Variants in GOLGA2 observed in about 807,000 individuals in gnomAD.
GOLGA2 encodes golgin A2, also known as golgin subfamily A member 2.
A neutral mutation model predicts 148.8 loss-of-function variants in GOLGA2; 49 were observed. The observed-to-expected ratio is 0.33, with a 90% CI of 0.26 to 0.42. The LOEUF (loss-of-function observed/expected upper bound fraction) is 0.42. Among genes scored for constraint, GOLGA2 ranks in the 10% least tolerant of loss-of-function variants. The pLI is 1.00. For synonymous variants in GOLGA2, 501 were observed against 511.8 expected (o/e 0.98, Z 0.28); for missense variants, 1,178 against 1,304.6 (o/e 0.90, Z 1.49).
rs756276650 is a variant in GOLGA2, at chr9:128,265,710, A to T, written c.827-19T>A. ...GACTCTCCTGGAATGAGAGAGGTTG[A>T]GATGGGGCCCAAAGGACTCCCCCTA... On this transcript the variant is annotated intron_variant, in intron 11 of 26. Coordinates refer to ENST00000611957, the MANE Select transcript of GOLGA2 (RefSeq NM_001366244.2). 1 of 1,612,632 alleles carries T rather than the reference A, an allele frequency of 6.2e-7. No homozygotes were observed.
Position 128,258,175 on chromosome 9 carries a change from T to C in GOLGA2, c.2313A>G (p.Val771=). Residue 771 remains valine, a synonymous_variant, in exon 23 of 27, where the codon GTA becomes GTG. Transcript: ENST00000611957. This position sits in a 1 kb window ranked among gnomAD's most constrained non-coding sequence, Gnocchi z 6.6. ...EAMVAFFNSA[V]ASAEEEQARL... The stretch of plus-strand genomic sequence containing the variant: ...TTGCCTGCTCCTCCTCGGCACTGGC[T>C]ACAGCTGAGTTGAAAAATGCCACCT... The C allele has an allele frequency of 6.3e-7, 1 of 1,599,292 alleles. No homozygotes were observed. Among genetic ancestry groups the C allele is most frequent in the Non-Finnish European group, 8.5e-7 (1 of 1,175,082 alleles).
At position 128,272,801 on chromosome 9, in the gene GOLGA2, G is replaced by C; in HGVS notation, c.272C>G (p.Pro91Arg). The change falls in exon 3 of 27, where the codon CCA (proline) becomes CGA (arginine). Residue 91 changes from proline to arginine, a missense_variant. Around this residue, in one of 5 missense-constraint regions of GOLGA2, gnomAD observed 158 missense variants for 156.6 expected, o/e 1.01. Transcript: ENST00000611957. ...CTGCCTCACCTTCCACTTGTCCAATGGGGGGAGCGCTACCCCATTGGAACG... is the reference window on the plus strand; with the variant it reads ...CTGCCTCACCTTCCACTTGTCCAATCGGGGGAGCGCTACCCCATTGGAACG... ...LNRSNGVALP[P>R]LDKWKTPKDN... 1 of 1,261,670 alleles carries C rather than the reference G, an allele frequency of 7.9e-7. No homozygotes were observed. The highest frequency in any genetic ancestry group is 1.0e-6 in the Non-Finnish European group (1 of 966,710). 78.2% of individuals were successfully genotyped at this position (1,261,670 alleles called of 1,614,324 possible). A position where few individuals can be genotyped will look rare whatever the true frequency, so the allele number is the denominator to read the frequency against.
rs776248398 is a variant in GOLGA2 at position 128,266,051 on chromosome 9, A to AG, written c.682-32dup. Reference sequence around the variant, plus strand: ...GGAAGAGGAAGACAGAGCTCTTACGAGGGGGAGGCAGAGACGGCACAGCAA... The same window carrying AG: ...GGAAGAGGAAGACAGAGCTCTTACGAGGGGGGAGGCAGAGACGGCACAGCAA... On this transcript the variant is annotated intron_variant, in intron 9 of 26. Transcript: ENST00000611957. This position sits in a 1 kb window ranked among gnomAD's most constrained non-coding sequence, Gnocchi z 4.2. 12 of 1,583,058 alleles carry AG rather than the reference A, an allele frequency of 7.6e-6. 1 individual carries two copies. The African/African-American group carries it at 1.6e-4, about 21-fold the overall frequency.
chr9:128,258,094 C>A lies in GOLGA2; in HGVS notation c.2394G>T (p.Leu798=). Residue 798 remains leucine, a synonymous_variant, in exon 23 of 27, where the codon CTG becomes CTT. Coordinates refer to ENST00000611957, the MANE Select transcript of GOLGA2 (RefSeq NM_001366244.2). This position sits in a 1 kb window ranked among gnomAD's most constrained non-coding sequence, Gnocchi z 6.6. The part of the protein sequence containing the change: ...QRVRCRRLAH[L]LASAQKEPEA... ...CAGGCTCCTTCTGGGCCGAGGCCAG[C>A]AGGTGAGCCAGGCGCCGGCAGCGCA... 1 of 1,610,168 alleles carries A rather than the reference C, an allele frequency of 6.2e-7. No individual in the cohort carries two copies. The highest frequency in any genetic ancestry group is 8.5e-7 in the Non-Finnish European group (1 of 1,179,714).
Position 128,258,562 on chromosome 9 carries a change from G to T in GOLGA2, c.2182C>A (p.Leu728Met), listed in dbSNP as rs1441748925. 1 of 1,563,638 alleles carries T rather than the reference G, an allele frequency of 6.4e-7. No homozygotes were observed. Among genetic ancestry groups the T allele is most frequent in the South Asian group, 1.2e-5 (1 of 84,956 alleles). The change falls in exon 22 of 27, where the codon CTG (leucine) becomes ATG (methionine). Residue 728 changes from leucine (L) to methionine (M), a missense_variant. Coordinates refer to ENST00000611957, the MANE Select transcript of GOLGA2 (RefSeq NM_001366244.2). This position sits in a 1 kb window ranked among gnomAD's most constrained non-coding sequence, Gnocchi z 6.6. Reference sequence around the variant, plus strand: ...TCATCCTCCTCCTCCTCCCGGTCCAGTCCATCTCCTATGGGGGTGGCCAGA... The same window carrying T: ...TCATCCTCCTCCTCCTCCCGGTCCATTCCATCTCCTATGGGGGTGGCCAGA... ...LMAHPGEGDGLDREEEEDEEE... is the reference protein window; with the variant it reads ...LMAHPGEGDGMDREEEEDEEE...
chr9:128,275,542 A>G, intron 1 of GOLGA2: 4 of 1,272,336 alleles, frequency 3.1e-6, no homozygotes, highest in South Asian at 2.5e-5. Context: ...TCACGGGCCC[A>G]AAGTCACTGG....
chr9:128,257,276 A>G lies in GOLGA2; in HGVS notation c.2881T>C (p.Cys961Arg), dbSNP rs190456038. The G allele has an allele frequency of 5.0e-6, 8 of 1,612,950 alleles. No homozygotes were observed. Among genetic ancestry groups the G allele is most frequent in the Non-Finnish European group, 6.8e-6 (8 of 1,179,738 alleles). ...LGAANQQGDL[C>R]EVSLAGSVEP... ...ACACTGCCGGCGAGGCTCACCTCGCAAAGATCTTTGGAGAGAGAGAGGCAG... is the reference window on the plus strand; with the variant it reads ...ACACTGCCGGCGAGGCTCACCTCGCGAAGATCTTTGGAGAGAGAGAGGCAG... Residue 961 changes from cysteine to arginine, a missense_variant, in exon 27 of 27, where the codon TGC becomes CGC. This residue lies in a region of GOLGA2 where 149 missense variants were observed against 154.9 expected (regional missense o/e 0.96). Coordinates refer to ENST00000611957, the MANE Select transcript of GOLGA2 (RefSeq NM_001366244.2). This position sits in a 1 kb window ranked among gnomAD's most constrained non-coding sequence, Gnocchi z 8.0.
At position 128,257,406 on chromosome 9, in the gene GOLGA2, T is replaced by TGGGGCCC; in HGVS notation, c.2831_2837dup (p.Ala947GlyfsTer15). 6.2e-7 allele frequency: 1 copy of TGGGGCCC among 1,612,966 alleles called. No individual in the cohort carries two copies. Among genetic ancestry groups the TGGGGCCC allele is most frequent in the Non-Finnish European group, 8.5e-7 (1 of 1,179,974 alleles). The stretch of plus-strand genomic sequence containing the variant: ...TGGCAGCCCCAAGTTCCTGGGGGGC[T>TGGGGCCC]GGGGCCCCTGAAGTGGGCTCATCAG... On this transcript the variant is annotated frameshift_variant, in exon 26 of 27. Coordinates refer to ENST00000611957, the MANE Select transcript of GOLGA2 (RefSeq NM_001366244.2). LOFTEE classifies it high-confidence loss of function. This position sits in a 1 kb window ranked among gnomAD's most constrained non-coding sequence, Gnocchi z 8.0.
chr9:128,258,535 C>T lies in GOLGA2; in HGVS notation c.2209G>A (p.Glu737Lys). 2 of 1,585,814 alleles carry T rather than the reference C, an allele frequency of 1.3e-6. No individual in the cohort carries two copies. Among genetic ancestry groups the T allele is most frequent in the Non-Finnish European group, 1.7e-6 (2 of 1,166,876 alleles). ...GCCACCGCCTCCTCCTCCTCCTCCT[C>T]CTCATCCTCCTCCTCCTCCCGGTCC... ...GLDREEEEDE[E>K]EEEEEAVAVP... Residue 737 changes from glutamate to lysine, a missense_variant, in exon 22 of 27, where the codon GAG becomes AAG. Physicochemically the swap from Glu to Lys is moderately conservative, Grantham distance 56 (BLOSUM62 1). Transcript: ENST00000611957. This position sits in a 1 kb window ranked among gnomAD's most constrained non-coding sequence, Gnocchi z 6.6.
Position 128,260,599 on chromosome 9 carries a change from C to A in GOLGA2, c.1624G>T (p.Gly542Trp). ...LELERAAELW[G>W]EQAEARRQIL... Reference sequence around the variant, plus strand: ...TGCCTGCGCGCCTCCGCCTGCTCCCCCCAGAGCTCGGCCGCCCGCTCCAGC... The same window carrying A: ...TGCCTGCGCGCCTCCGCCTGCTCCCACCAGAGCTCGGCCGCCCGCTCCAGC... The change falls in exon 18 of 27, where the codon GGG becomes TGG. Residue 542 changes from glycine (G) to tryptophan (W), a missense_variant. Coordinates refer to ENST00000611957, the MANE Select transcript of GOLGA2 (RefSeq NM_001366244.2). This position sits in a 1 kb window ranked among gnomAD's most constrained non-coding sequence, Gnocchi z 4.8. 6.2e-7 allele frequency: 1 copy of A among 1,611,564 alleles called. No individual in the cohort carries two copies.
Position 128,258,078 on chromosome 9 carries a change from T to C in GOLGA2, c.2410A>G (p.Lys804Glu), listed in dbSNP as rs763981443. Reference protein sequence around the residue: ...RLAHLLASAQKEPEAAAPAPG... With the variant: ...RLAHLLASAQEEPEAAAPAPG... ...GCTGGGGCTGCTGCCTCAGGCTCCTTCTGGGCCGAGGCCAGCAGGTGAGCC... is the reference window on the plus strand; with the variant it reads ...GCTGGGGCTGCTGCCTCAGGCTCCTCCTGGGCCGAGGCCAGCAGGTGAGCC... The change falls in exon 23 of 27, where the codon AAG becomes GAG. Residue 804 changes from lysine (K) to glutamate (E), a missense_variant. Physicochemically the swap from Lys to Glu is moderately conservative, Grantham distance 56. Coordinates refer to ENST00000611957, the MANE Select transcript of GOLGA2 (RefSeq NM_001366244.2). This position sits in a 1 kb window ranked among gnomAD's most constrained non-coding sequence, Gnocchi z 6.6. 10 of 1,611,016 alleles carry C rather than the reference T, an allele frequency of 6.2e-6. No homozygotes were observed. The East Asian group carries it at 2.2e-4, about 36-fold the overall frequency.
At position 128,267,492 on chromosome 9, in the gene GOLGA2, C is replaced by G; in HGVS notation, c.527G>C (p.Gly176Ala). ...CTTCAGGTTAGCAGACGATGCAGGG[C>G]CCTCCCCATTGACACATGTCGCAGA... ...CESATCVNGE[G>A]PASSANLKDL... Residue 176 changes from glycine (G) to alanine (A), a missense_variant, in exon 7 of 27, where the codon GGC becomes GCC. Around this residue, in one of 5 missense-constraint regions of GOLGA2, gnomAD observed 304 missense variants for 404.1 expected, o/e 0.75. Coordinates refer to ENST00000611957, the MANE Select transcript of GOLGA2 (RefSeq NM_001366244.2). The G allele has an allele frequency of 1.2e-6, 2 of 1,613,448 alleles. No individual in the cohort carries two copies. The highest frequency in any genetic ancestry group is 1.7e-6 in the Non-Finnish European group (2 of 1,179,410).
At position 128,260,257 on chromosome 9, in the gene GOLGA2, G is replaced by A; in HGVS notation, c.1759-68C>T. ...AGACCCCAGAACTTGCTGCCTTGGT[G>A]TCTGCCTCCCATGGCACCGGGAAGG... On this transcript the variant is annotated intron_variant, in intron 18 of 26. Transcript: ENST00000611957. The surrounding 1 kb of genome is among the most constrained non-coding windows in gnomAD (Gnocchi z 4.8). 7.6e-7 allele frequency: 1 copy of A among 1,314,640 alleles called. No homozygotes were observed. The highest frequency in any genetic ancestry group is 1.1e-6 in the Non-Finnish European group (1 of 919,126). 81.4% of individuals were successfully genotyped at this position (1,314,640 alleles called of 1,614,324 possible).
Position 128,257,904 on chromosome 9 carries a change from A to G in GOLGA2, c.2509-12T>C. 6.2e-7 allele frequency: 1 copy of G among 1,613,310 alleles called. No individual in the cohort carries two copies. The highest frequency in any genetic ancestry group is 1.3e-5 in the African/African-American group (1 of 75,008). On this transcript the variant is annotated splice_polypyrimidine_tract_variant and intron_variant, in intron 23 of 26. Transcript: ENST00000611957. The surrounding 1 kb of genome is among the most constrained non-coding windows in gnomAD (Gnocchi z 8.0). ...TCCATAAAGCGGCTCTGGAACCAAA[A>G]TAATGGAGTCATATATCGGCAGCGA...
Position 128,260,163 on chromosome 9 carries a change from G to A in GOLGA2, c.1785C>T (p.Ser595=), listed in dbSNP as rs550013838. The stretch of plus-strand genomic sequence containing the variant: ...TGACGTGCTGCTCCGACTGCAGTGC[G>A]CTGGTGATCTCCATGTTCTCATTAG... ...KLTNENMEIT[S]ALQSEQHVKR... Residue 595 remains serine (S), a synonymous_variant, in exon 19 of 27, where the codon AGC becomes AGT. Transcript: ENST00000611957. The surrounding 1 kb of genome is among the most constrained non-coding windows in gnomAD (Gnocchi z 4.8). 195 of 1,608,692 alleles carry A rather than the reference G, an allele frequency of 1.2e-4. 3 individuals carry two copies. The South Asian group carries it at 1.8e-3, about 15-fold the overall frequency.
chr9:128,268,195 A>T (rs754094797), intron 4 of GOLGA2, 35 bp from the exon 5 acceptor site: 1 of 1,583,258 alleles, frequency 6.3e-7, no homozygotes, highest in Non-Finnish European at 8.7e-7. Flanking sequence ...TGGTCATTCA[A>T]TTTCTGGTAA....
In GOLGA2 at chr9:128,261,964, G is replaced by A. The variant is rs530904497; in HGVS notation, c.1135-207C>T. The A allele has an allele frequency of 6.3e-4, 346 of 550,928 alleles. No individual in the cohort carries two copies. Among genetic ancestry groups the A allele is most frequent in the Non-Finnish European group, 1.0e-3 (320 of 309,388 alleles). 34.1% of individuals were successfully genotyped at this position (550,928 alleles called of 1,614,324 possible). A position where few individuals can be genotyped will look rare whatever the true frequency, so the allele number is the denominator to read the frequency against. ...GATGCCTGTAATCTCAACACTTTGG[G>A]AGGCTGAGGTGGGTGGATTGCTTGA... On this transcript the variant is annotated intron_variant, in intron 14 of 26. Transcript: ENST00000611957. This position sits in a 1 kb window ranked among gnomAD's most constrained non-coding sequence, Gnocchi z 5.7.
rs557566335 is a variant in GOLGA2 at position 128,270,232 on chromosome 9, C to T, written c.289-1708G>A. On this transcript the variant is annotated intron_variant, in intron 3 of 26. Coordinates refer to ENST00000611957, the MANE Select transcript of GOLGA2 (RefSeq NM_001366244.2). ...CACTGCAACCTCCGCCTCCTGAGTT[C>T]GAGATTCTCCTGCTTCAGCCTCCCA... 1.9e-4 allele frequency among the ~76,000 whole-genome samples: 28 copies of T among 146,878 alleles called. No homozygotes were observed. In the South Asian group the frequency reaches 5.8e-3, roughly 30 times the overall value.
Position 128,265,900 on chromosome 9 carries a change from G to T in GOLGA2, c.733-19C>A, listed in dbSNP as rs1305291429. ...TGTGAACCTTTGGGAGGAAACCCAA[G>T]CAAGTGCTGAAAAAGAAGGAAAGAA... On this transcript the variant is annotated intron_variant, in intron 10 of 26. Coordinates refer to ENST00000611957, the MANE Select transcript of GOLGA2 (RefSeq NM_001366244.2). 3.1e-6 allele frequency: 5 copies of T among 1,606,750 alleles called. No individual in the cohort carries two copies. Among genetic ancestry groups the T allele is most frequent in the Non-Finnish European group, 4.3e-6 (5 of 1,173,336 alleles).
Sources: gnomAD v4.1 joint callset for allele counts (sites outside exome capture counted in the v4.1 genomes callset) on GRCh38, gnomAD v4.1.1 for gene constraint, gnomAD v4.1.1 regional missense constraint, Gnocchi (gnomAD v3.1) non-coding constraint, MANE v1.5 for transcripts, NCBI Gene and HGNC (gene_info 2026-07-23, HGNC 2026-07-21) for gene names.